Variants in RAB30 observed in about 807,000 individuals in gnomAD.
The protein encoded by RAB30 is RAB30, member RAS oncogene family.
In RAB30, 9 loss-of-function variants were observed where a neutral mutation model predicts 25.1. The observed-to-expected ratio is 0.36, with a 90% CI of 0.22 to 0.63. The LOEUF (loss-of-function observed/expected upper bound fraction) is 0.63, where lower values mean the gene tolerates loss of function less well. Among genes scored for constraint, RAB30 ranks in the 20% least tolerant of loss-of-function variants. RAB30 has a pLI of 0.69. For missense variants in RAB30, 140 were observed against 243.5 expected (o/e 0.58, Z 2.83); for synonymous variants, 77 against 86.4 (o/e 0.89, Z 0.60).
intron 1 of RAB30, among the ~76,000 whole-genome samples, chr11:82,999,275 A>G (rs73508497): frequency 0.016 from 2,439 of 152,326 alleles, 52 homozygotes; most frequent in African/African-American, 0.049. Flanking sequence ...GTGGCCTGAA[A>G]TCATAAAGCT....
intron 3 of RAB30, among the ~76,000 whole-genome samples, chr11:82,991,438 T>C (rs1300563724): frequency 7.0e-6 from 1 of 143,164 alleles, no homozygotes; most frequent in Admixed American, 7.6e-5. Flanking sequence ...GCCTAGGAGG[T>C]CGAGGCTGCA....
At chr11:83,053,249 T>C (rs1858392135) in intron 1 of RAB30, among the ~76,000 whole-genome samples, 1 of 152,182 alleles carries the variant, frequency 6.6e-6, no homozygotes, top group Admixed American at 6.5e-5. Context: ...ACAACCTCTT[T>C]GAGCCTCAGT....
chr11:83,062,823 G>A (rs1590882439), intron 1 of RAB30, among the ~76,000 whole-genome samples: 1 of 151,508 alleles, frequency 6.6e-6, no homozygotes, highest in Non-Finnish European at 1.5e-5. Flanking sequence ...CAACAAGGCG[G>A]AACCCCATCT....
chr11:83,047,902 C>A (rs1217185919), intron 1 of RAB30, among the ~76,000 whole-genome samples: 1 of 152,160 alleles, frequency 6.6e-6, no homozygotes, highest in Non-Finnish European at 1.5e-5. Flanking sequence ...CATACTGTTA[C>A]GTATAAATCA....
chr11:82,978,966 G>T lies in RAB30; in HGVS notation c.*3199C>A, dbSNP rs1466596153. 2 of 152,070 alleles carry T rather than the reference G, an allele frequency of 1.3e-5. No individual in the cohort carries two copies. Among genetic ancestry groups the T allele is most frequent in the African/African-American group, 2.4e-5 (1 of 41,408 alleles). 9.4% of individuals were successfully genotyped at this position (152,070 alleles called of 1,614,324 possible). A position where few individuals can be genotyped will look rare whatever the true frequency, so the allele number is the denominator to read the frequency against. ...TCAGGGAGAGATAAAAACGTGAAATGATTAAAAGACCGAGAAAAAGAAAGG... is the reference window on the plus strand; with the variant it reads ...TCAGGGAGAGATAAAAACGTGAAATTATTAAAAGACCGAGAAAAAGAAAGG... On this transcript the variant is annotated 3_prime_UTR_variant, in exon 5 of 5. Transcript: ENST00000527633.
intron 1 of RAB30, among the ~76,000 whole-genome samples, chr11:83,010,425 A>G (rs1030967580): frequency 9.2e-5 from 14 of 152,246 alleles, no homozygotes; most frequent in Non-Finnish European, 7.3e-5. Flanking sequence ...CACTCCAGAC[A>G]GAGTGAAATC....
intron 3 of RAB30, among the ~76,000 whole-genome samples, chr11:82,992,610 G>A (rs1856875002): frequency 6.6e-6 from 1 of 152,062 alleles, no homozygotes; most frequent in African/African-American, 2.4e-5. Flanking sequence ...CTTAGGTTGG[G>A]AATCAAGGTA....
chr11:82,986,062 G>A (rs1856734035), intron 4 of RAB30, among the ~76,000 whole-genome samples: 1 of 152,268 alleles, frequency 6.6e-6, no homozygotes, highest in Admixed American at 6.5e-5. Context: ...TTTGAACACT[G>A]TCTAAGTTTT....
At chr11:83,053,590 C>T (rs1169346921) in intron 1 of RAB30, among the ~76,000 whole-genome samples, 2 of 150,926 alleles carry the variant, frequency 1.3e-5, no homozygotes, top group African/African-American at 4.9e-5. Context: ...GAGTCTCTTA[C>T]TAATCTGCTC....
intron 1 of RAB30, among the ~76,000 whole-genome samples, chr11:83,031,631 G>A (rs1442676142): frequency 6.6e-6 from 1 of 151,686 alleles, no homozygotes; most frequent in African/African-American, 2.4e-5. Context: ...GGGTTCAAGC[G>A]ATTCTCCTGC....
At chr11:82,988,231 A>G (rs1363510308) in intron 3 of RAB30, among the ~76,000 whole-genome samples, 1 of 152,210 alleles carries the variant, frequency 6.6e-6, no homozygotes, top group Non-Finnish European at 1.5e-5. Flanking sequence ...AGCATCTCAT[A>G]GCCAATATGT....
In RAB30 at chr11:82,999,990, G is replaced by A. The variant is rs549704190; in HGVS notation, c.-8-2666C>T. Among the ~76,000 whole-genome samples the A allele has an allele frequency of 2.0e-5, 3 of 152,270 alleles. No homozygotes were observed. The East Asian group carries it at 5.8e-4, about 29-fold the overall frequency. On this transcript the variant is annotated intron_variant, in intron 1 of 4. Transcript: ENST00000527633. ...CAGCATGAGAGCAGTGACGTGTCAG[G>A]TTGAGTCCAGATCCTAACCCCTCCC...
intron 1 of RAB30, among the ~76,000 whole-genome samples, chr11:83,050,809 T>C (rs969823367): frequency 2.6e-5 from 4 of 152,270 alleles, no homozygotes; most frequent in African/African-American, 9.6e-5. Flanking sequence ...ATGTTAGAAA[T>C]GATGGTGACA....
At chr11:83,052,960 G>C (rs1858386490) in intron 1 of RAB30, among the ~76,000 whole-genome samples, 1 of 152,140 alleles carries the variant, frequency 6.6e-6, no homozygotes, top group Non-Finnish European at 1.5e-5. Context: ...TAATGTTTTA[G>C]TAAAAAAACT....
intron 1 of RAB30, among the ~76,000 whole-genome samples, chr11:83,006,955 T>G (rs550705089): frequency 6.6e-6 from 1 of 152,356 alleles, no homozygotes; most frequent in African/African-American, 2.4e-5. Context: ...AATAGCTTGC[T>G]TGTGTCATGA....
At chr11:83,064,886 CT>C (rs542098917) in intron 1 of RAB30, among the ~76,000 whole-genome samples, 15 of 148,964 alleles carry the variant, frequency 1.0e-4, no homozygotes, top group Middle Eastern at 3.4e-3. Context: ...TCTTTTGTAG[CT>C]TTTTTTTTTA....
chr11:83,042,029 CA>C (rs61607477), intron 1 of RAB30, among the ~76,000 whole-genome samples: 28,132 of 95,110 alleles, frequency 0.3, 2,924 homozygotes, highest in Admixed American at 0.37. Context: ...GACTCTGTCT[CA>C]AAAAAAAAAA....
intron 1 of RAB30, among the ~76,000 whole-genome samples, chr11:83,037,352 C>G (rs1373280845): frequency 6.6e-6 from 1 of 151,868 alleles, no homozygotes; most frequent in Non-Finnish European, 1.5e-5. Context: ...AGGGTTCAAG[C>G]AATTCTCCTG....
intron 4 of RAB30, 69 bp downstream of exon 4, chr11:82,987,518 A>T (rs1223234345): frequency 1.5e-5 from 22 of 1,425,476 alleles, no homozygotes; most frequent in Non-Finnish European, 1.9e-5. Context: ...ACCAATGTAT[A>T]AGCTTTATGT....
Sources: allele counts gnomAD v4.1 joint callset (sites outside exome capture counted in the v4.1 genomes callset), GRCh38; gene constraint gnomAD v4.1.1; transcripts MANE v1.5; gene names NCBI Gene and HGNC (gene_info 2026-07-23, HGNC 2026-07-21).